Variants in KLHL1 observed in about 807,000 individuals in gnomAD.
The protein encoded by KLHL1 is kelch-like protein 1.
KLHL1 carries 47 observed loss-of-function variants against 77.7 expected under a neutral mutation model. The ratio of observed to expected loss-of-function variants is 0.60; its 90% CI spans 0.48 to 0.77. KLHL1 has a LOEUF of 0.77. Among genes scored for constraint, KLHL1 ranks in the 30% least tolerant of loss-of-function variants. The pLI, the probability that KLHL1 is intolerant of heterozygous loss-of-function variation, is 0.00. For missense variants in KLHL1, 925 were observed against 910.8 expected, an observed-to-expected ratio of 1.02 and a Z score of -0.20; for synonymous variants, 360 against 325.2, an observed-to-expected ratio of 1.11 and a Z score of -1.15.
At chr13:69,998,501 A>G (rs1315549054) in intron 1 of KLHL1, among the ~76,000 whole-genome samples, 1 of 152,086 alleles carries the variant, frequency 6.6e-6, no homozygotes, top group African/African-American at 2.4e-5. Flanking sequence ...GTACATCCGC[A>G]TTCCATCATT....
intron 8 of KLHL1, among the ~76,000 whole-genome samples, chr13:69,725,497 T>A (rs1236481153): frequency 1.3e-5 from 2 of 152,088 alleles, no homozygotes; most frequent in African/African-American, 4.8e-5. Context: ...TGCTGGAAAG[T>A]CTTGTCTTTA....
intron 5 of KLHL1, among the ~76,000 whole-genome samples, chr13:69,851,160 T>G (rs1202408636): frequency 6.6e-6 from 1 of 150,542 alleles, no homozygotes; most frequent in Non-Finnish European, 1.5e-5. Flanking sequence ...GTACTGTGTT[T>G]ACTTAAATTT....
intron 4 of KLHL1, among the ~76,000 whole-genome samples, chr13:69,918,235 A>C (rs2138258597): frequency 6.6e-6 from 1 of 152,024 alleles, no homozygotes. Context: ...TAGTTTTGTA[A>C]ATTTTATTTT....
At chr13:69,998,703 T>G (rs1035692546) in intron 1 of KLHL1, among the ~76,000 whole-genome samples, 2 of 152,042 alleles carry the variant, frequency 1.3e-5, no homozygotes, top group Non-Finnish European at 2.9e-5. Flanking sequence ...ACAACTAATT[T>G]CTGTAGGCCA....
intron 1 of KLHL1, among the ~76,000 whole-genome samples, chr13:70,052,818 T>C (rs1012148106): frequency 1.3e-5 from 2 of 151,996 alleles, no homozygotes; most frequent in African/African-American, 4.8e-5. Context: ...CAAAGGCCTG[T>C]TGTTGAATAC....
At chr13:69,816,734 C>T (rs1486837172) in intron 6 of KLHL1, among the ~76,000 whole-genome samples, 1 of 152,124 alleles carries the variant, frequency 6.6e-6, no homozygotes, top group African/African-American at 2.4e-5. Flanking sequence ...CTTATTATTT[C>T]TACCATTATT....
intron 7 of KLHL1, among the ~76,000 whole-genome samples, chr13:69,780,716 G>A (rs1559464): frequency 0.31 from 14,140 of 46,240 alleles, 2,406 homozygotes; most frequent in African/African-American, 0.36. Context: ...ATATATATAT[G>A]TATATATATA....
At chr13:70,097,062 C>T (rs1012680112) in intron 1 of KLHL1, among the ~76,000 whole-genome samples, 4 of 151,992 alleles carry the variant, frequency 2.6e-5, no homozygotes, top group Admixed American at 1.3e-4. Context: ...TGAGTTGGAA[C>T]TTTAAAGGCA....
chr13:69,833,034 T>C (rs199500873), intron 6 of KLHL1, among the ~76,000 whole-genome samples: 5 of 152,246 alleles, frequency 3.3e-5, no homozygotes, highest in Admixed American at 2.0e-4. Context: ...TTCTGAACAT[T>C]GTCTTAGGCA....
At chr13:69,702,439 T>A (rs1875438828) in intron 10 of KLHL1, among the ~76,000 whole-genome samples, 1 of 151,758 alleles carries the variant, frequency 6.6e-6, no homozygotes, top group Non-Finnish European at 1.5e-5. Flanking sequence ...AACATTTTGA[T>A]AATTTGAGCT....
intron 1 of KLHL1, among the ~76,000 whole-genome samples, chr13:70,060,020 T>C (rs1348099737): frequency 6.6e-6 from 1 of 152,052 alleles, no homozygotes; most frequent in Non-Finnish European, 1.5e-5. Context: ...ATCCAAACCA[T>C]ATCACTCTCC....
At chr13:69,798,620 AT>A (rs1250999683) in intron 6 of KLHL1, among the ~76,000 whole-genome samples, 1 of 151,916 alleles carries the variant, frequency 6.6e-6, no homozygotes, top group Non-Finnish European at 1.5e-5. Flanking sequence ...TTATATTTTA[AT>A]ATATTTATTA....
intron 4 of KLHL1, chr13:69,895,100 T>G: frequency 2.1e-6 from 1 of 467,832 alleles, no homozygotes; most frequent in South Asian, 1.7e-5. Context: ...TTCTTCTTGC[T>G]TTTCTTCTAA....
At chr13:70,076,550 C>T (rs957868539) in intron 1 of KLHL1, among the ~76,000 whole-genome samples, 2 of 151,428 alleles carry the variant, frequency 1.3e-5, no homozygotes, top group African/African-American at 4.9e-5. Context: ...TCTACATGAC[C>T]TCGGGTTTGA....
intron 7 of KLHL1, among the ~76,000 whole-genome samples, chr13:69,749,320 A>G (rs1356429168): frequency 6.6e-6 from 1 of 151,918 alleles, no homozygotes; most frequent in Non-Finnish European, 1.5e-5. Flanking sequence ...ATTATCTAAT[A>G]GAAAGAAAAG....
intron 2 of KLHL1, among the ~76,000 whole-genome samples, chr13:69,963,146 T>G (rs1593629634): frequency 6.6e-6 from 1 of 152,258 alleles, no homozygotes; most frequent in South Asian, 2.1e-4. Flanking sequence ...ATTGCAGCCT[T>G]GAACCCCAGG....
intron 4 of KLHL1, among the ~76,000 whole-genome samples, chr13:69,902,836 C>T (rs1881915379): frequency 6.6e-6 from 1 of 152,078 alleles, no homozygotes; most frequent in Non-Finnish European, 1.5e-5. Flanking sequence ...AGCACACCAA[C>T]ATAGCACATG....
chr13:70,075,502 AAT>A (rs1190056231), intron 1 of KLHL1, among the ~76,000 whole-genome samples: 7 of 146,506 alleles, frequency 4.8e-5, no homozygotes, highest in Non-Finnish European at 9.0e-5. Flanking sequence ...AATAACAATT[AAT>A]ATATATATAA....
intron 1 of KLHL1, among the ~76,000 whole-genome samples, chr13:70,060,869 T>C (rs551751315): frequency 6.6e-6 from 1 of 151,468 alleles, no homozygotes; most frequent in South Asian, 2.1e-4. Flanking sequence ...AAATGTGGTA[T>C]ATATAAACAA....
Sources: gnomAD v4.1 joint callset for allele counts (sites outside exome capture counted in the v4.1 genomes callset) on GRCh38, gnomAD v4.1.1 for gene constraint, MANE v1.5 for transcripts, NCBI Gene and HGNC (gene_info 2026-07-23, HGNC 2026-07-21) for gene names.